The following HIPK2 variants were observed in gnomAD, a reference collection of about 807,000 sequenced individuals.
HIPK2 encodes the protein homeodomain interacting protein kinase 2.
Under a neutral mutation model 113.7 loss-of-function variants are expected in HIPK2, and 27 were observed. The observed-to-expected ratio is 0.24, with a 90% CI of 0.17 to 0.33. HIPK2 has a LOEUF of 0.33. HIPK2 is among the 10% of genes least tolerant of loss of function. HIPK2 has a pLI of 1.00. For missense variants in HIPK2, 1,257 were observed against 1,588.0 expected, an observed-to-expected ratio of 0.79 and a Z score of 3.54; for synonymous variants, 631 against 642.2, an observed-to-expected ratio of 0.98 and a Z score of 0.26.
At chr7:139,578,550 A>G (rs958466019) in intron 13 of HIPK2, among the ~76,000 whole-genome samples, 2 of 152,228 alleles carry the variant, frequency 1.3e-5, no homozygotes, top group African/African-American at 4.8e-5. Flanking sequence ...CCTTTCCGCC[A>G]TCCTTTGTTG....
At position 139,572,593 on chromosome 7, in the gene HIPK2, G is replaced by C. The variant is rs1204862061; in HGVS notation, c.*334C>G. The C allele has an allele frequency of 4.6e-6, 1 of 218,868 alleles. No homozygotes were observed. The highest frequency in any genetic ancestry group is 8.9e-6 in the Non-Finnish European group (1 of 112,312). The allele number at this position is 218,868 out of a possible 1,614,324, so 13.6% of individuals were successfully genotyped here. ...TGGCGTAGAATGGGTTCTTGAGCTG[G>C]GTTTTTTGTTATTGACTTTTTTTTT... On this transcript the variant is annotated 3_prime_UTR_variant, in exon 15 of 15. Transcript: ENST00000406875.
At chr7:139,750,423 T>C (rs1796260412) in intron 1 of HIPK2, among the ~76,000 whole-genome samples, 1 of 152,220 alleles carries the variant, frequency 6.6e-6, no homozygotes, top group Non-Finnish European at 1.5e-5. Context: ...TCTTCCTATA[T>C]ATATAGTATT....
chr7:139,774,708 G>C (rs955656425), intron 1 of HIPK2, among the ~76,000 whole-genome samples: 1 of 152,146 alleles, frequency 6.6e-6, no homozygotes, highest in Admixed American at 6.5e-5. Context: ...TTGGAATTTA[G>C]GCTCCTCTCA....
At position 139,683,694 on chromosome 7, in the gene HIPK2, A is replaced by T. The variant is rs1265586657; in HGVS notation, c.1103+32238T>A. On this transcript the variant is annotated intron_variant, in intron 2 of 14. Transcript: ENST00000406875. The surrounding 1 kb of genome is among the most constrained non-coding windows in gnomAD (Gnocchi z 4.2). ...CTGTCATACCCTGGCAATGGCATTC[A>T]TACCATTGGCAGGCAATGGCATGTC... Among the ~76,000 whole-genome samples, 1 of 152,130 alleles carries T rather than the reference A, an allele frequency of 6.6e-6. No homozygotes were observed. Among genetic ancestry groups the T allele is most frequent in the Non-Finnish European group, 1.5e-5 (1 of 68,024 alleles).
rs2116482055 is a variant in HIPK2 at position 139,575,374 on chromosome 7, C to T, written c.2966-86G>A. On this transcript the variant is annotated intron_variant, in intron 13 of 14. Coordinates refer to ENST00000406875, the MANE Select transcript of HIPK2 (RefSeq NM_022740.5). ...TACCCCACCAGAGAACAGTGGTCTT[C>T]CAGGAAGAAACATGTGCCTGAGGCC... 2.8e-6 allele frequency: 4 copies of T among 1,428,192 alleles called. No individual in the cohort carries two copies. In the African/African-American group the frequency reaches 4.3e-5, roughly 15 times the overall value. The allele number at this position is 1,428,192 out of a possible 1,614,324, so 88.5% of individuals were successfully genotyped here. A position where few individuals can be genotyped will look rare whatever the true frequency, so the allele number is the denominator to read the frequency against.
chr7:139,610,004 T>C (rs1406016614), intron 9 of HIPK2, among the ~76,000 whole-genome samples: 2 of 152,242 alleles, frequency 1.3e-5, no homozygotes, highest in African/African-American at 4.8e-5. Flanking sequence ...ATTAAAATCC[T>C]TACACACGTA....
At chr7:139,604,369 AAAGT>A (rs919754132) in intron 9 of HIPK2, 146 bp from the exon 10 acceptor site, 34 of 1,144,354 alleles carry the variant, frequency 3.0e-5, no homozygotes, top group Admixed American at 2.1e-4. Flanking sequence ...CTCAAAAACT[AAAGT>A]AAGGGGAGAT....
At chr7:139,588,362 A>T (rs1239390810) in intron 12 of HIPK2, among the ~76,000 whole-genome samples, 2 of 151,424 alleles carry the variant, frequency 1.3e-5, no homozygotes, top group African/African-American at 2.4e-5. Flanking sequence ...CAAAAAAACA[A>T]AAAACAATCC....
intron 2 of HIPK2, among the ~76,000 whole-genome samples, chr7:139,704,775 C>A (rs1794840212): frequency 6.6e-6 from 1 of 152,176 alleles, no homozygotes; most frequent in Non-Finnish European, 1.5e-5. Flanking sequence ...GTTTAACCCC[C>A]AAGGCCTCCA....
At chr7:139,574,388 T>A (rs76061805) in intron 14 of HIPK2, among the ~76,000 whole-genome samples, 1 of 151,408 alleles carries the variant, frequency 6.6e-6, no homozygotes, top group East Asian at 1.9e-4. Flanking sequence ...AAAAAAAAAG[T>A]TGGCTCTCAG....
chr7:139,702,144 C>A (rs909396494), intron 2 of HIPK2, among the ~76,000 whole-genome samples: 1 of 152,190 alleles, frequency 6.6e-6, no homozygotes, highest in Non-Finnish European at 1.5e-5. Context: ...GGCCGGGGCA[C>A]GAGACAGCGG....
rs1798063607 is a variant in HIPK2, at chr7:139,565,509, C to T, written c.*7418G>A. 6.6e-6 allele frequency: 1 copy of T among 151,998 alleles called. No homozygotes were observed. Among genetic ancestry groups the T allele is most frequent in the Admixed American group, 6.5e-5 (1 of 15,274 alleles). The allele number at this position is 151,998 out of a possible 1,614,324, so 9.4% of individuals were successfully genotyped here. ...GTCCTAAGCATTTCTACATTCTCAC[C>T]ATCTTTCAATCAAAATAAAAATGCA... On this transcript the variant is annotated 3_prime_UTR_variant, in exon 15 of 15. Coordinates refer to ENST00000406875, the MANE Select transcript of HIPK2 (RefSeq NM_022740.5).
At chr7:139,756,224 A>C (rs941329542) in intron 1 of HIPK2, among the ~76,000 whole-genome samples, 1 of 152,250 alleles carries the variant, frequency 6.6e-6, no homozygotes, top group South Asian at 2.1e-4. Context: ...ATAGTGTCCA[A>C]AAGTCTCCTG....
At chr7:139,772,058 C>G (rs550639337) in intron 1 of HIPK2, among the ~76,000 whole-genome samples, 26 of 152,318 alleles carry the variant, frequency 1.7e-4, no homozygotes, top group African/African-American at 5.1e-4. Flanking sequence ...CAGACATTCA[C>G]CTTCCTGAAG....
chr7:139,775,686 G>C (rs778914889), intron 1 of HIPK2, among the ~76,000 whole-genome samples: 1 of 152,088 alleles, frequency 6.6e-6, no homozygotes, highest in African/African-American at 2.4e-5. Context: ...TTCTTAAACC[G>C]TAACACCCTA....
chr7:139,581,603 G>A (rs1196789071), intron 13 of HIPK2, among the ~76,000 whole-genome samples: 1 of 152,230 alleles, frequency 6.6e-6, no homozygotes, highest in Non-Finnish European at 1.5e-5. Context: ...GGCTGGGGGA[G>A]CGCTGAACTC....
intron 2 of HIPK2, among the ~76,000 whole-genome samples, chr7:139,705,410 T>C (rs1336387387): frequency 1.3e-5 from 2 of 152,020 alleles, no homozygotes; most frequent in African/African-American, 4.8e-5. Flanking sequence ...GGAGTCTCGC[T>C]ATGTCGCCCA....
intron 2 of HIPK2, among the ~76,000 whole-genome samples, chr7:139,649,806 A>G (rs970613567): frequency 2.0e-5 from 3 of 152,060 alleles, no homozygotes; most frequent in African/African-American, 7.2e-5. Context: ...AATCTTTACA[A>G]AACGTTAGGT....
At chr7:139,616,142 C>G (rs7778038) in intron 7 of HIPK2, among the ~76,000 whole-genome samples, 36,502 of 151,946 alleles carry the variant, frequency 0.24, 6,069 homozygotes, top group African/African-American at 0.48. Context: ...TCCCAAACTT[C>G]TGCTCGGTGG....
Sources: gnomAD v4.1 joint callset for allele counts (sites outside exome capture counted in the v4.1 genomes callset) on GRCh38, gnomAD v4.1.1 for gene constraint, Gnocchi (gnomAD v3.1) non-coding constraint, MANE v1.5 for transcripts, NCBI Gene and HGNC (gene_info 2026-07-23, HGNC 2026-07-21) for gene names.